GPC6: variants seen among roughly 807,000 people sequenced by gnomAD.
GPC6 encodes glypican-6.
A neutral mutation model predicts 55.2 loss-of-function variants in GPC6; 14 were observed. The observed-to-expected ratio is 0.25, with a 90% CI of 0.17 to 0.40. GPC6 has a LOEUF of 0.40. GPC6 is among the 10% of genes least tolerant of loss of function. The pLI is 1.00. For synonymous variants in GPC6, 278 were observed against 259.6 expected, an observed-to-expected ratio of 1.07 and a Z score of -0.68; for missense variants, 641 against 708.5, an observed-to-expected ratio of 0.90 and a Z score of 1.08.
intron 7 of GPC6, among the ~76,000 whole-genome samples, chr13:94,387,876 G>A (rs1267910353): frequency 1.3e-5 from 2 of 152,150 alleles, no homozygotes; most frequent in African/African-American, 2.4e-5. Context: ...CAAGAATTGT[G>A]AGAAATAAAT....
At chr13:94,389,504 G>A (rs1384986113) in intron 7 of GPC6, among the ~76,000 whole-genome samples, 4 of 152,054 alleles carry the variant, frequency 2.6e-5, no homozygotes. Context: ...GTTCAAATAG[G>A]CCCTTACCTT....
At chr13:94,368,740 G>A (rs1166952597) in intron 6 of GPC6, among the ~76,000 whole-genome samples, 1 of 152,206 alleles carries the variant, frequency 6.6e-6, no homozygotes, top group South Asian at 2.1e-4. Flanking sequence ...GAGAGAAGCT[G>A]TGAACAGGTA....
chr13:93,765,264 T>TCTGGAAAGACAACTTTCCAGATAAGCTGC, intron 2 of GPC6, among the ~76,000 whole-genome samples: 2 of 152,110 alleles, frequency 1.3e-5, no homozygotes, highest in African/African-American at 2.4e-5. Context: ...AGATAAGCTG[T>TCTGGAAAGACAACTTTCCAGATAAGCTGC]CTGGAAAGAC....
the GPC6 span, among the ~76,000 whole-genome samples, chr13:93,220,058 T>C: frequency 6.6e-6 from 1 of 152,308 alleles, no homozygotes; most frequent in South Asian, 2.1e-4. Context: ...AATATTCCCA[T>C]AAAATTTTAT....
intron 3 of GPC6, among the ~76,000 whole-genome samples, chr13:93,935,737 G>A (rs1304694986): frequency 1.3e-5 from 2 of 152,170 alleles, no homozygotes; most frequent in Non-Finnish European, 2.9e-5. Flanking sequence ...AATGAACAGA[G>A]CATGCCAACA....
intron 3 of GPC6, among the ~76,000 whole-genome samples, chr13:93,953,443 T>C (rs552564579): frequency 2.0e-4 from 30 of 152,222 alleles, no homozygotes; most frequent in Non-Finnish European, 1.9e-4. Flanking sequence ...TCCTGGTTCT[T>C]TGTGTAGAAT....
At chr13:94,069,404 G>A (rs1040971127) in intron 4 of GPC6, among the ~76,000 whole-genome samples, 2 of 152,104 alleles carry the variant, frequency 1.3e-5, no homozygotes, top group African/African-American at 4.8e-5. Context: ...CTGCAGCAAA[G>A]TTCTCTGACA....
intron 1 of GPC6, among the ~76,000 whole-genome samples, chr13:93,357,052 G>A (rs1004066961): frequency 1.3e-5 from 2 of 152,170 alleles, no homozygotes; most frequent in Admixed American, 6.5e-5. Flanking sequence ...GTTTCCTCCT[G>A]CTATTTGCAT....
At chr13:94,315,224 G>A (rs1370903103) in intron 6 of GPC6, among the ~76,000 whole-genome samples, 3 of 152,216 alleles carry the variant, frequency 2.0e-5, no homozygotes, top group African/African-American at 7.2e-5. Context: ...GTTGGTTTGT[G>A]TGATCTCTGT....
At chr13:93,371,732 G>T (rs1229696889) in intron 1 of GPC6, among the ~76,000 whole-genome samples, 1 of 152,058 alleles carries the variant, frequency 6.6e-6, no homozygotes, top group Admixed American at 6.6e-5. Context: ...CACTAGTGTG[G>T]ATAGGCAGGG....
chr13:93,575,307 G>T (rs182727337), intron 2 of GPC6, among the ~76,000 whole-genome samples: 1 of 152,162 alleles, frequency 6.6e-6, no homozygotes. Flanking sequence ...GAAACAAAAA[G>T]GTGAATTGTC....
intron 2 of GPC6, among the ~76,000 whole-genome samples, chr13:93,671,028 T>A (rs1881336868): frequency 6.6e-6 from 1 of 152,180 alleles, no homozygotes; most frequent in Non-Finnish European, 1.5e-5. Flanking sequence ...AAGCAAGGGA[T>A]CTTTTTAAAG....
At chr13:93,756,758 A>C (rs1205823918) in intron 2 of GPC6, among the ~76,000 whole-genome samples, 5 of 152,146 alleles carry the variant, frequency 3.3e-5, no homozygotes, top group African/African-American at 1.2e-4. Context: ...AAACTTCCCA[A>C]TCTTTTCAGC....
intron 3 of GPC6, among the ~76,000 whole-genome samples, chr13:93,854,220 A>G (rs1047483626): frequency 2.0e-5 from 3 of 151,494 alleles, no homozygotes; most frequent in Non-Finnish European, 1.5e-5. Flanking sequence ...TTTCATAAAC[A>G]CTGAGTGAGC....
intron 3 of GPC6, among the ~76,000 whole-genome samples, chr13:93,925,201 T>G (rs1877791021): frequency 6.6e-6 from 1 of 152,174 alleles, no homozygotes; most frequent in Non-Finnish European, 1.5e-5. Context: ...ACAAACTCAC[T>G]TAAGGCCATA....
chr13:94,168,362 G>A (rs1331558038), intron 4 of GPC6, among the ~76,000 whole-genome samples: 1 of 152,212 alleles, frequency 6.6e-6, no homozygotes, highest in Non-Finnish European at 1.5e-5. Flanking sequence ...TTAAAGCAGG[G>A]AGAAGACAGC....
At chr13:93,510,983 A>G (rs61964229) in intron 1 of GPC6, among the ~76,000 whole-genome samples, 2 of 37,036 alleles carry the variant, frequency 5.4e-5, no homozygotes, top group East Asian at 3.8e-3. Context: ...GTATATATAT[A>G]TGTGTATATA....
intron 4 of GPC6, among the ~76,000 whole-genome samples, chr13:94,097,411 G>A (rs899990855): frequency 6.6e-6 from 1 of 151,552 alleles, no homozygotes; most frequent in Non-Finnish European, 1.5e-5. Context: ...GGAGGCTGAG[G>A]CAGGAGAATG....
chr13:94,383,150 GA>G (rs1443313529), intron 7 of GPC6, among the ~76,000 whole-genome samples: 1 of 152,128 alleles, frequency 6.6e-6, no homozygotes, highest in African/African-American at 2.4e-5. Context: ...TGGAATTTCT[GA>G]ATTTGTTGAT....
Sources: allele counts gnomAD v4.1 joint callset (sites outside exome capture counted in the v4.1 genomes callset), GRCh38; gene constraint gnomAD v4.1.1; transcripts MANE v1.5; gene names NCBI Gene and HGNC (gene_info 2026-07-23, HGNC 2026-07-21).